The following SLC7A9 variants were observed in gnomAD, a reference collection of about 807,000 sequenced individuals.
The protein encoded by SLC7A9 is solute carrier family 7 member 9, also known as B(0,+)-type amino acid transporter 1.
Under a neutral mutation model 54.1 loss-of-function variants are expected in SLC7A9, and 38 were observed. That is an observed-to-expected ratio of 0.70 (90% CI 0.54 to 0.92). The LOEUF is 0.92. Among genes scored for constraint, SLC7A9 ranks in the 40% least tolerant of loss-of-function variants. The pLI, the probability that SLC7A9 is intolerant of heterozygous loss-of-function variation, is 0.00. For synonymous variants in SLC7A9, 264 were observed against 258.9 expected (o/e 1.02, Z -0.19); for missense variants, 537 against 636.1 (o/e 0.84, Z 1.68).
intron 9 of SLC7A9, among the ~76,000 whole-genome samples, chr19:32,845,009 A>G (rs1304610943): frequency 6.9e-6 from 1 of 145,492 alleles, no homozygotes. Context: ...CTAAAAATAC[A>G]AAAAATCAGC....
intron 9 of SLC7A9, among the ~76,000 whole-genome samples, chr19:32,854,980 A>G (rs1480488319): frequency 6.6e-6 from 1 of 152,186 alleles, no homozygotes; most frequent in Non-Finnish European, 1.5e-5. Flanking sequence ...TGAAATCCAC[A>G]TGTCAGGTGT....
chr19:32,846,764 C>G (rs1284433531), intron 9 of SLC7A9, among the ~76,000 whole-genome samples: 1 of 152,180 alleles, frequency 6.6e-6, no homozygotes, highest in Non-Finnish European at 1.5e-5. Context: ...TGGGAGGCAA[C>G]CCCCCAGTAG....
chr19:32,842,346 T>G (rs1161659575), intron 10 of SLC7A9, 29 bp from the exon 11 acceptor site: 5 of 1,596,814 alleles, frequency 3.1e-6, no homozygotes, highest in Non-Finnish European at 4.3e-6. Context: ...GATTTGTAGG[T>G]CATTACTACA....
chr19:32,865,059 C>T (rs1234368169), intron 2 of SLC7A9, among the ~76,000 whole-genome samples: 4 of 152,172 alleles, frequency 2.6e-5, no homozygotes, highest in South Asian at 2.1e-4. Context: ...GGAGGCTGTC[C>T]GGGGTTTACA....
At chr19:32,862,624 C>T in intron 4 of SLC7A9, 38 bp from the exon 5 acceptor site, 1 of 1,610,382 alleles carries the variant, frequency 6.2e-7, no homozygotes, top group South Asian at 1.1e-5. Context: ...TTATGGTTTT[C>T]AGCAAAGCCC....
Position 32,859,977 on chromosome 19 carries a change from A to G in SLC7A9, c.750-13T>C. ...CAAAGGCAGGTTTCTGGGAGGGGCA[A>G]TGACACGGAGACCCACGTTCAGACC... is the stretch of plus-strand genomic sequence containing the variant. On this transcript the variant is annotated splice_polypyrimidine_tract_variant and intron_variant, in intron 7 of 12. Coordinates refer to ENST00000023064, the MANE Select transcript of SLC7A9 (RefSeq NM_014270.5). The G allele has an allele frequency of 7.4e-6, 12 of 1,614,062 alleles. No individual in the cohort carries two copies. The highest frequency in any genetic ancestry group is 1.0e-5 in the Non-Finnish European group (12 of 1,179,986).
chr19:32,842,299 A>G lies in SLC7A9; in HGVS notation c.1093T>C (p.Tyr365His). 6.2e-7 allele frequency: 1 copy of G among 1,613,982 alleles called. No homozygotes were observed. Among genetic ancestry groups the G allele is most frequent in the Non-Finnish European group, 8.5e-7 (1 of 1,179,836 alleles). ...IIFYGIIATI[Y>H]IIPGDINSLV... is the part of the protein sequence containing the mutation. The stretch of plus-strand genomic sequence containing the variant: ...GAGTTTATGTCACCAGGGATGATAT[A>G]AATCGTTGCTATGATACCCTAATAG... Residue 365 changes from tyrosine to histidine, a missense_variant, in exon 11 of 13, where the codon TAT becomes CAT. Coordinates refer to ENST00000023064, the MANE Select transcript of SLC7A9 (RefSeq NM_014270.5).
intron 9 of SLC7A9, among the ~76,000 whole-genome samples, chr19:32,848,851 A>C (rs1288476858): frequency 6.6e-6 from 1 of 152,260 alleles, no homozygotes; most frequent in Non-Finnish European, 1.5e-5. Flanking sequence ...ACCACAGTGC[A>C]ATCAAACTAG....
At chr19:32,832,447 C>T (rs910751066) in intron 12 of SLC7A9, among the ~76,000 whole-genome samples, 1 of 151,624 alleles carries the variant, frequency 6.6e-6, no homozygotes, top group Non-Finnish European at 1.5e-5. Flanking sequence ...ATTAGCTGGG[C>T]GTGGTGGTGC....
At chr19:32,856,339 C>T (rs1237914879) in intron 9 of SLC7A9, among the ~76,000 whole-genome samples, 2 of 151,830 alleles carry the variant, frequency 1.3e-5, no homozygotes, top group Non-Finnish European at 2.9e-5. Context: ...GGACTACAGG[C>T]GCCCGCCACC....
Position 32,842,325 on chromosome 19 carries a change from AAAG to A in SLC7A9, c.1075-11_1075-9del. 1 of 1,612,170 alleles carries A rather than the reference AAAG, an allele frequency of 6.2e-7. No homozygotes were observed. The highest frequency in any genetic ancestry group is 1.3e-5 in the African/African-American group (1 of 75,016). On this transcript the variant is annotated splice_polypyrimidine_tract_variant and intron_variant, in intron 10 of 12. Transcript: ENST00000023064. ...AATCGTTGCTATGATACCCTAATAG[AAAG>A]AAGAATGGATTTGTAGGTCATTACT... is the stretch of plus-strand genomic sequence containing the variant.
At chr19:32,835,427 A>G (rs531285106) in intron 11 of SLC7A9, among the ~76,000 whole-genome samples, 100 of 152,384 alleles carry the variant, frequency 6.6e-4, no homozygotes, top group Middle Eastern at 6.8e-3. Flanking sequence ...TATGTTCTAA[A>G]GATTAATACA....
At chr19:32,850,700 G>C (rs907039296) in intron 9 of SLC7A9, among the ~76,000 whole-genome samples, 2 of 152,158 alleles carry the variant, frequency 1.3e-5, no homozygotes, top group Admixed American at 1.3e-4. Flanking sequence ...AACCAAAAAA[G>C]AGCCTGCATT....
chr19:32,862,030 A>G, intron 6 of SLC7A9, 88 bp downstream of exon 6: 2 of 861,520 alleles, frequency 2.3e-6, no homozygotes, highest in South Asian at 1.3e-5. Context: ...CAGAAAGGAG[A>G]ACTCATTGTT....
At chr19:32,832,601 A>AAAAG (rs1307792241) in intron 12 of SLC7A9, among the ~76,000 whole-genome samples, 41 of 144,606 alleles carry the variant, frequency 2.8e-4, no homozygotes, top group South Asian at 1.5e-3. Flanking sequence ...AAAAAAAAAA[A>AAAAG]AAAGAAAGAA....
At chr19:32,835,368 A>C (rs1231945692) in intron 11 of SLC7A9, among the ~76,000 whole-genome samples, 1 of 152,236 alleles carries the variant, frequency 6.6e-6, no homozygotes. Context: ...GAGAAAGCAC[A>C]AACACAAATA....
intron 9 of SLC7A9, among the ~76,000 whole-genome samples, chr19:32,856,352 G>A (rs1327945101): frequency 6.6e-6 from 1 of 151,858 alleles, no homozygotes; most frequent in African/African-American, 2.4e-5. Context: ...CCGCCACCAC[G>A]CACAGCTAAT....
At chr19:32,854,167 C>T (rs917483542) in intron 9 of SLC7A9, among the ~76,000 whole-genome samples, 4 of 152,084 alleles carry the variant, frequency 2.6e-5, no homozygotes, top group African/African-American at 7.2e-5. Flanking sequence ...CATGTGCCAC[C>T]ATGCCTGGCT....
chr19:32,864,317 A>G lies in SLC7A9; in HGVS notation c.257T>C (p.Leu86Pro). The G allele has an allele frequency of 6.2e-7, 1 of 1,614,038 alleles. No individual in the cohort carries two copies. The highest frequency in any genetic ancestry group is 8.5e-7 in the Non-Finnish European group (1 of 1,180,008). The change falls in exon 4 of 13, where the codon CTT (leucine) becomes CCT (proline). Residue 86 changes from leucine to proline, a missense_variant. Transcript: ENST00000023064. ...ATLGALCFAE[L>P]GTMITKSGGE... ...CCCTGACTTGGTGATCATTGTGCCA[A>G]GCTCCGCAAAGCACAGGGCACCTGG...
Sources: gnomAD v4.1 joint callset for allele counts (sites outside exome capture counted in the v4.1 genomes callset) on GRCh38, gnomAD v4.1.1 for gene constraint, MANE v1.5 for transcripts, NCBI Gene and HGNC (gene_info 2026-07-23, HGNC 2026-07-21) for gene names.